CCSER1: variants seen among roughly 807,000 people sequenced by gnomAD.
CCSER1 encodes coiled-coil serine rich protein 1.
A neutral mutation model predicts 82.0 loss-of-function variants in CCSER1; 41 were observed. The ratio of observed to expected loss-of-function variants is 0.50; its 90% CI spans 0.39 to 0.65. The LOEUF is 0.65. CCSER1 is among the 30% of genes least tolerant of loss of function. The pLI is 0.00. For synonymous variants in CCSER1, 414 were observed against 383.9 expected, an observed-to-expected ratio of 1.08 and a Z score of -0.92; for missense variants, 1,119 against 1,064.2, an observed-to-expected ratio of 1.05 and a Z score of -0.72.
chr4:90,644,704 C>T (rs1280325529), intron 6 of CCSER1, among the ~76,000 whole-genome samples: 1 of 151,754 alleles, frequency 6.6e-6, no homozygotes, highest in Non-Finnish European at 1.5e-5. Flanking sequence ...CACTTATAAG[C>T]GAGAAGACGT....
intron 8 of CCSER1, among the ~76,000 whole-genome samples, chr4:90,848,637 T>A (rs1763487218): frequency 6.6e-6 from 1 of 152,110 alleles, no homozygotes; most frequent in South Asian, 2.1e-4. Context: ...TAACAATCAG[T>A]TTTATGGTCA....
At chr4:90,166,044 C>A (rs982815407) in intron 1 of CCSER1, among the ~76,000 whole-genome samples, 9 of 151,968 alleles carry the variant, frequency 5.9e-5, no homozygotes, top group African/African-American at 2.2e-4. Context: ...TTTCACTTAA[C>A]AATATTTCGA....
In CCSER1 at chr4:90,808,691, G is replaced by A. The variant is rs184525346; in HGVS notation, c.2011-7071G>A. Among the ~76,000 whole-genome samples, 10 of 152,092 alleles carry A rather than the reference G, an allele frequency of 6.6e-5. No individual in the cohort carries two copies. The East Asian group carries it at 1.9e-3, about 29-fold the overall frequency. On this transcript the variant is annotated intron_variant, in intron 7 of 10. Coordinates refer to ENST00000509176, the MANE Select transcript of CCSER1 (RefSeq NM_001145065.2). Reference sequence around the variant, plus strand: ...ATGTCCATTAAAACCACAATGAGATGTCACTTTATCCAGAATAACCATTAT... The same window carrying A: ...ATGTCCATTAAAACCACAATGAGATATCACTTTATCCAGAATAACCATTAT...
chr4:91,058,442 T>C (rs962152464), intron 9 of CCSER1, among the ~76,000 whole-genome samples: 12 of 152,158 alleles, frequency 7.9e-5, no homozygotes, highest in African/African-American at 2.9e-4. Flanking sequence ...TTGTAATGTT[T>C]TCTGCTAAAT....
intron 8 of CCSER1, among the ~76,000 whole-genome samples, chr4:90,859,695 A>G (rs1223314633): frequency 6.6e-6 from 1 of 151,802 alleles, no homozygotes; most frequent in Non-Finnish European, 1.5e-5. Flanking sequence ...ATTACTTAAT[A>G]CAAAATACAT....
chr4:91,414,718 G>T (rs1036103397), intron 10 of CCSER1, among the ~76,000 whole-genome samples: 10 of 151,970 alleles, frequency 6.6e-5, no homozygotes, highest in African/African-American at 2.4e-4. Flanking sequence ...CAAAATGACT[G>T]AAAAACAAAA....
intron 3 of CCSER1, among the ~76,000 whole-genome samples, chr4:90,364,734 A>T (rs1292602251): frequency 1.3e-5 from 2 of 151,982 alleles, no homozygotes; most frequent in African/African-American, 4.8e-5. Flanking sequence ...AGTTAGTGTG[A>T]TGATGTAGAT....
At chr4:91,496,634 A>ATT (rs1758849560) in intron 10 of CCSER1, among the ~76,000 whole-genome samples, 3 of 53,012 alleles carry the variant, frequency 5.7e-5, no homozygotes, top group Non-Finnish European at 1.1e-4. Flanking sequence ...ATATTTGAAT[A>ATT]TATATATATT....
At chr4:90,790,183 C>T (rs944333746) in intron 7 of CCSER1, among the ~76,000 whole-genome samples, 1 of 152,104 alleles carries the variant, frequency 6.6e-6, no homozygotes, top group Non-Finnish European at 1.5e-5. Context: ...AGTCTTTAGC[C>T]TTGGTCCTAT....
chr4:91,446,912 T>C (rs1755603726), intron 10 of CCSER1, among the ~76,000 whole-genome samples: 1 of 152,028 alleles, frequency 6.6e-6, no homozygotes, highest in African/African-American at 2.4e-5. Flanking sequence ...GGGTACTTTT[T>C]TCTTGATTTG....
intron 1 of CCSER1, among the ~76,000 whole-genome samples, chr4:90,133,143 CTG>C (rs1184774851): frequency 6.6e-6 from 1 of 152,176 alleles, no homozygotes; most frequent in South Asian, 2.1e-4. Flanking sequence ...TGTCTTTCTT[CTG>C]TTTTATAAAT....
chr4:90,235,976 G>T (rs1300295398), intron 1 of CCSER1, among the ~76,000 whole-genome samples: 2 of 151,986 alleles, frequency 1.3e-5, no homozygotes, highest in Non-Finnish European at 2.9e-5. Flanking sequence ...GTGTCTCATT[G>T]TGTCTCCCAG....
chr4:90,603,952 T>TATA (rs1784322753), intron 5 of CCSER1, among the ~76,000 whole-genome samples: 1 of 152,198 alleles, frequency 6.6e-6, no homozygotes, highest in Admixed American at 6.5e-5. Flanking sequence ...GATACCTTAT[T>TATA]ATAAGACCTA....
chr4:90,974,735 G>A (rs769343101), intron 9 of CCSER1, among the ~76,000 whole-genome samples: 1 of 151,312 alleles, frequency 6.6e-6, no homozygotes, highest in Non-Finnish European at 1.5e-5. Context: ...CTTTTGGCAG[G>A]TATGTGGAGA....
At chr4:91,285,976 T>G (rs1480864161) in intron 10 of CCSER1, among the ~76,000 whole-genome samples, 3 of 151,808 alleles carry the variant, frequency 2.0e-5, no homozygotes, top group Non-Finnish European at 4.4e-5. Flanking sequence ...GTTTTGTTTT[T>G]TTTTTCCATT....
intron 10 of CCSER1, among the ~76,000 whole-genome samples, chr4:91,444,129 G>T (rs763886543): frequency 3.3e-5 from 5 of 152,006 alleles, no homozygotes; most frequent in African/African-American, 1.2e-4. Context: ...GATGGGGTGC[G>T]ATCACATATA....
At chr4:90,542,895 TG>T (rs957571551) in intron 5 of CCSER1, among the ~76,000 whole-genome samples, 7 of 152,142 alleles carry the variant, frequency 4.6e-5, no homozygotes, top group African/African-American at 1.7e-4. Flanking sequence ...GTAGTTGGTC[TG>T]GAGAATGAGG....
At chr4:91,329,731 C>T (rs1746812780) in intron 10 of CCSER1, among the ~76,000 whole-genome samples, 1 of 152,130 alleles carries the variant, frequency 6.6e-6, no homozygotes, top group Non-Finnish European at 1.5e-5. Context: ...GGACTCTACC[C>T]TCATGATCTA....
chr4:90,715,861 T>G (rs1369006368), intron 6 of CCSER1, among the ~76,000 whole-genome samples: 1 of 151,934 alleles, frequency 6.6e-6, no homozygotes, highest in Non-Finnish European at 1.5e-5. Flanking sequence ...AAATATATCT[T>G]ATAGGTAAAT....
Sources: allele counts gnomAD v4.1 joint callset (sites outside exome capture counted in the v4.1 genomes callset), GRCh38; gene constraint gnomAD v4.1.1; transcripts MANE v1.5; gene names NCBI Gene and HGNC (gene_info 2026-07-23, HGNC 2026-07-21).